The following RAP1GAP2 variants were observed in gnomAD, a reference collection of about 807,000 sequenced individuals.
RAP1GAP2 encodes RAP1 GTPase activating protein 2, also known as rap1 GTPase-activating protein 2.
In RAP1GAP2, 27 loss-of-function variants were observed where a neutral mutation model predicts 95.0. That is an observed-to-expected ratio of 0.28 (90% CI 0.21 to 0.39). The LOEUF (loss-of-function observed/expected upper bound fraction) is 0.39, where lower values mean the gene tolerates loss of function less well. Among genes scored for constraint, RAP1GAP2 ranks in the 10% least tolerant of loss-of-function variants. The probability of loss-of-function intolerance (pLI) is 1.00; values close to 1 mark genes in which losing one functional copy is unlikely to be tolerated. For synonymous variants in RAP1GAP2, 373 were observed against 380.9 expected (o/e 0.98, Z 0.24); for missense variants, 771 against 970.0 (o/e 0.79, Z 2.72).
chr17:2,897,075 G>A (rs1049395583), intron 2 of RAP1GAP2, among the ~76,000 whole-genome samples: 15 of 152,330 alleles, frequency 9.8e-5, no homozygotes, highest in Middle Eastern at 3.4e-3. Context: ...GCTGGCTCAC[G>A]CCTATAATCC....
At chr17:2,810,360 G>GT (rs889569224) in intron 2 of RAP1GAP2, among the ~76,000 whole-genome samples, 17 of 149,594 alleles carry the variant, frequency 1.1e-4, no homozygotes, top group Admixed American at 5.3e-4. Context: ...CAAATTAGTC[G>GT]TTTTTTTTTT....
Position 2,780,826 on chromosome 17 carries a change from G to A in RAP1GAP2, c.-14+3548G>A, listed in dbSNP as rs138741404. On this transcript the variant is annotated intron_variant, in intron 1 of 24. Transcript: ENST00000540393. ...TATTCATCTGCTCCCCTTTTAAAGC[G>A]GGCATCTCATGGATGATACTCTTCT... Among the ~76,000 whole-genome samples the A allele has an allele frequency of 8.0e-3, 1,223 of 152,322 alleles. 10 individuals are homozygous for A. The highest frequency in any genetic ancestry group is 0.028 in the African/African-American group (1,156 of 41,572).
intron 12 of RAP1GAP2, 100 bp downstream of exon 12, chr17:2,991,497 A>G (rs942379127): frequency 2.2e-6 from 2 of 891,244 alleles, no homozygotes; most frequent in African/African-American, 1.7e-5. Context: ...AGTTAAAAAC[A>G]CACAAGAAAT....
intron 1 of RAP1GAP2, among the ~76,000 whole-genome samples, chr17:2,758,295 C>T (rs1206561716): frequency 6.6e-6 from 1 of 151,494 alleles, no homozygotes; most frequent in East Asian, 1.9e-4. Context: ...CCTGCCTCAG[C>T]CTCCCGAGTA....
intron 2 of RAP1GAP2, among the ~76,000 whole-genome samples, chr17:2,891,258 CT>C (rs1283500038): frequency 6.6e-6 from 1 of 151,958 alleles, no homozygotes; most frequent in Non-Finnish European, 1.5e-5. Flanking sequence ...AGCGATCCCC[CT>C]ACCTCAGCTT....
At chr17:2,795,013 G>A (rs531724495), upstream of RAP1GAP2, among the ~76,000 whole-genome samples, 4 of 151,214 alleles carry the variant, frequency 2.6e-5, no homozygotes, top group Non-Finnish European at 5.9e-5. Context: ...GAGTAGCTGG[G>A]ATTATAGGTA....
intron 2 of RAP1GAP2, among the ~76,000 whole-genome samples, chr17:2,885,399 C>T (rs1212303824): frequency 6.6e-6 from 1 of 152,216 alleles, no homozygotes; most frequent in Non-Finnish European, 1.5e-5. Flanking sequence ...GGCACTGATG[C>T]AACAGAGCCC....
At chr17:2,987,042 C>T (rs66891153) in intron 11 of RAP1GAP2, among the ~76,000 whole-genome samples, 28,446 of 152,148 alleles carry the variant, frequency 0.19, 3,054 homozygotes, top group South Asian at 0.45. Flanking sequence ...CTTGGAGTCT[C>T]TGTGACAGCC....
At chr17:2,877,435 ATC>A (rs2073138481) in intron 2 of RAP1GAP2, among the ~76,000 whole-genome samples, 1 of 152,130 alleles carries the variant, frequency 6.6e-6, no homozygotes, top group East Asian at 1.9e-4. Context: ...GACACATCAC[ATC>A]TCTGCTCTGC....
intron 3 of RAP1GAP2, among the ~76,000 whole-genome samples, chr17:2,948,838 G>C (rs2043807723): frequency 6.6e-6 from 1 of 152,290 alleles, no homozygotes; most frequent in East Asian, 1.9e-4. Context: ...GGAGAGAGGG[G>C]GTCCTGGACT....
At chr17:2,771,243 A>G (rs1034913807) in intron 2 of RAP1GAP2, among the ~76,000 whole-genome samples, 1 of 151,986 alleles carries the variant, frequency 6.6e-6, no homozygotes, top group African/African-American at 2.4e-5. Flanking sequence ...TTCCCATGCC[A>G]GAGAGTCCAG....
Position 3,018,198 on chromosome 17 carries a change from G to C in RAP1GAP2, c.1632G>C (p.Ser544=). The change falls in exon 18 of 25, where the codon TCG becomes TCC. Residue 544 remains serine (S), a splice_region_variant and synonymous_variant. Coordinates refer to ENST00000254695, the MANE Select transcript of RAP1GAP2 (RefSeq NM_015085.5). ...NSMEVTKTTF[S]PPVVAATVKN... ...TGGAGGTCACCAAGACCACCTTCTC[G>C]GTGAGTGCTGGCAGGCCCCGGGGCG... 3.8e-6 allele frequency: 6 copies of C among 1,564,364 alleles called. No individual in the cohort carries two copies. Among genetic ancestry groups the C allele is most frequent in the Non-Finnish European group, 5.2e-6 (6 of 1,155,598 alleles).
intron 2 of RAP1GAP2, among the ~76,000 whole-genome samples, chr17:2,833,099 C>A (rs1356161376): frequency 6.6e-6 from 1 of 151,974 alleles, no homozygotes; most frequent in African/African-American, 2.4e-5. Flanking sequence ...TACAAATATA[C>A]CACACCCTGC....
rs191631023 is a variant in RAP1GAP2 at position 2,895,036 on chromosome 17, C to T, written c.81-10248C>T. Among the ~76,000 whole-genome samples, 19 of 152,310 alleles carry T rather than the reference C, an allele frequency of 1.2e-4. 1 individual carries two copies. In the East Asian group the frequency reaches 2.7e-3, roughly 22 times the overall value. On this transcript the variant is annotated intron_variant, in intron 2 of 24. Transcript: ENST00000254695. ...CCTTTTCCCAGCGTCCGCACAGCGC[C>T]GGCACTGTTTGTACTGTGTGTGTGT...
intron 14 of RAP1GAP2, among the ~76,000 whole-genome samples, chr17:3,002,246 C>G (rs1006894593): frequency 2.6e-5 from 4 of 152,200 alleles, no homozygotes; most frequent in Non-Finnish European, 5.9e-5. Context: ...CAGGCGTGAA[C>G]CATCATGCCT....
intron 2 of RAP1GAP2, among the ~76,000 whole-genome samples, chr17:2,877,469 C>T (rs879265106): frequency 1.6e-4 from 24 of 152,164 alleles, no homozygotes; most frequent in South Asian, 4.2e-4. Flanking sequence ...CCTGCCTGGC[C>T]GGGTGTGGTG....
In RAP1GAP2 at chr17:2,866,312, G is replaced by A. The variant is rs1013565164; in HGVS notation, c.81-38972G>A. Among the ~76,000 whole-genome samples the A allele has an allele frequency of 2.6e-5, 4 of 152,366 alleles. No individual in the cohort carries two copies. The East Asian group carries it at 7.7e-4, about 29-fold the overall frequency. Reference sequence around the variant, plus strand: ...CGTGGGAGATGAGGCTGTTAGGGCGGCCTGGGGCCATTTCGTGTTAGGTGT... The same window carrying A: ...CGTGGGAGATGAGGCTGTTAGGGCGACCTGGGGCCATTTCGTGTTAGGTGT... On this transcript the variant is annotated intron_variant, in intron 2 of 24. Transcript: ENST00000254695. This position sits in a 1 kb window ranked among gnomAD's most constrained non-coding sequence, Gnocchi z 4.0.
At chr17:3,007,756 G>C (rs993962217) in intron 16 of RAP1GAP2, among the ~76,000 whole-genome samples, 1 of 152,084 alleles carries the variant, frequency 6.6e-6, no homozygotes, top group Non-Finnish European at 1.5e-5. Flanking sequence ...TCTACCACCA[G>C]GGTGGAGCTG....
chr17:2,842,390 C>T (rs1363331327), intron 2 of RAP1GAP2, among the ~76,000 whole-genome samples: 5 of 152,002 alleles, frequency 3.3e-5, no homozygotes, highest in African/African-American at 9.6e-5. Flanking sequence ...ATTAGCCAGG[C>T]GTGGTGGCAC....
Sources: allele counts gnomAD v4.1 joint callset (sites outside exome capture counted in the v4.1 genomes callset), GRCh38; gene constraint gnomAD v4.1.1; non-coding constraint Gnocchi (gnomAD v3.1); transcripts MANE v1.5; gene names NCBI Gene and HGNC (gene_info 2026-07-23, HGNC 2026-07-21).